PLCB4: variants seen among roughly 807,000 people sequenced by gnomAD.
The protein encoded by PLCB4 is phospholipase C beta 4.
PLCB4 carries 77 observed loss-of-function variants against 178.8 expected under a neutral mutation model. The ratio of observed to expected loss-of-function variants is 0.43; its 90% confidence interval spans 0.36 to 0.52. The LOEUF is 0.52. PLCB4 is among the 20% of genes least tolerant of loss of function. PLCB4 has a pLI of 0.00. For synonymous variants in PLCB4, 496 were observed against 490.8 expected (o/e 1.01, Z -0.14); for missense variants, 1,024 against 1,453.4 (o/e 0.70, Z 4.80).
chr20:9,232,558 C>T (rs2093944689), intron 3 of PLCB4, among the ~76,000 whole-genome samples: 1 of 151,940 alleles, frequency 6.6e-6, no homozygotes, highest in Non-Finnish European at 1.5e-5. Context: ...TAAATTAAAA[C>T]CAAATTTTAG....
At chr20:9,299,831 T>A (rs2094683389) in intron 3 of PLCB4, among the ~76,000 whole-genome samples, 1 of 152,030 alleles carries the variant, frequency 6.6e-6, no homozygotes, top group African/African-American at 2.4e-5. Flanking sequence ...TAAAAGAGTA[T>A]GGATATTTCA....
intron 13 of PLCB4, among the ~76,000 whole-genome samples, chr20:9,381,842 A>G (rs2037168241): frequency 6.6e-6 from 1 of 152,184 alleles, no homozygotes; most frequent in South Asian, 2.1e-4. Context: ...TGTACCCTAG[A>G]GAATCTCTCA....
At chr20:9,102,198 G>A (rs1031669374) in intron 2 of PLCB4, among the ~76,000 whole-genome samples, 1 of 152,124 alleles carries the variant, frequency 6.6e-6, no homozygotes. Context: ...TACAAAGATT[G>A]CGGTAACTGA....
chr20:9,438,272 A>G (rs1247136372), intron 30 of PLCB4, among the ~76,000 whole-genome samples: 1 of 152,002 alleles, frequency 6.6e-6, no homozygotes, highest in Non-Finnish European at 1.5e-5. Context: ...AGGCTGAGGC[A>G]GGAGAATGGC....
chr20:9,434,766 T>G (rs920989691), intron 28 of PLCB4, among the ~76,000 whole-genome samples: 31 of 152,220 alleles, frequency 2.0e-4, no homozygotes, highest in Non-Finnish European at 4.1e-4. Flanking sequence ...ACTGAGAATG[T>G]TATCTTAAGA....
chr20:9,434,652 C>T (rs1275793958), intron 28 of PLCB4, among the ~76,000 whole-genome samples: 3 of 151,922 alleles, frequency 2.0e-5, no homozygotes, highest in East Asian at 1.9e-4. Flanking sequence ...CTGGGATTAC[C>T]GGCGTGAGCT....
In PLCB4 at chr20:9,393,670, T is replaced by C. The variant is rs537756121; in HGVS notation, c.1406T>C (p.Val469Ala). 7.2e-5 allele frequency: 116 copies of C among 1,600,896 alleles called. No homozygotes were observed. In the South Asian group the frequency reaches 1.1e-3, roughly 16 times the overall value. ...AAAAACAAGCGGCTGAAACCTGAAG[T>C]TGAAAAAAGTAAGTGAAACACACAC... ...LIKNKRLKPEVEKKQLEALRS... is the reference protein window; with the variant it reads ...LIKNKRLKPEAEKKQLEALRS... Residue 469 changes from valine to alanine, a missense_variant, in exon 18 of 40, where the codon GTT (valine) becomes GCT (alanine). This residue lies in a region of PLCB4 where 263 missense variants were observed against 417.4 expected (regional missense o/e 0.63). Coordinates refer to ENST00000378473, the MANE Select transcript of PLCB4 (RefSeq NM_001377142.1).
chr20:9,305,582 T>C (rs1204104391), intron 3 of PLCB4, among the ~76,000 whole-genome samples: 1 of 152,150 alleles, frequency 6.6e-6, no homozygotes, highest in African/African-American at 2.4e-5. Flanking sequence ...ATTAAGCCTA[T>C]TGTTTCTTTT....
intron 3 of PLCB4, among the ~76,000 whole-genome samples, chr20:9,293,622 T>TCATTCATTCATTC (rs139529215): frequency 4.6e-5 from 7 of 150,748 alleles, no homozygotes; most frequent in Admixed American, 1.3e-4. Flanking sequence ...CAGAGTAAAA[T>TCATTCATTCATTC]ATTCATTCAT....
At chr20:9,118,188 A>G (rs2091844682) in intron 2 of PLCB4, among the ~76,000 whole-genome samples, 1 of 149,870 alleles carries the variant, frequency 6.7e-6, no homozygotes, top group Non-Finnish European at 1.5e-5. Flanking sequence ...GTCATCTAGC[A>G]TTAGGTATAT....
chr20:9,312,283 G>C (rs146807578), intron 4 of PLCB4, among the ~76,000 whole-genome samples: 102 of 151,372 alleles, frequency 6.7e-4, no homozygotes, highest in African/African-American at 2.4e-3. Context: ...CAGCTGCCTA[G>C]ATGGAGTCCC....
At chr20:9,429,701 C>T (rs2041263238) in intron 28 of PLCB4, among the ~76,000 whole-genome samples, 1 of 152,196 alleles carries the variant, frequency 6.6e-6, no homozygotes. Flanking sequence ...ATATGCAGCA[C>T]TCTTCGTATC....
chr20:9,363,064 C>A, intron 8 of PLCB4, 89 bp downstream of exon 8: 1 of 901,900 alleles, frequency 1.1e-6, no homozygotes, highest in Non-Finnish European at 1.8e-6. Flanking sequence ...TTCCTTCCTC[C>A]AAATTCCTGC....
chr20:9,374,069 G>A (rs1602193470), intron 12 of PLCB4, among the ~76,000 whole-genome samples: 1 of 152,084 alleles, frequency 6.6e-6, no homozygotes, highest in Non-Finnish European at 1.5e-5. Flanking sequence ...AAGATAAAAA[G>A]GCAGACCTTA....
intron 20 of PLCB4, among the ~76,000 whole-genome samples, chr20:9,404,763 C>T (rs917466760): frequency 2.6e-5 from 4 of 152,186 alleles, no homozygotes; most frequent in East Asian, 1.9e-4. Flanking sequence ...CAAGGTTCCA[C>T]GCAATCAGTT....
At chr20:9,192,073 C>G (rs546380543) in intron 2 of PLCB4, among the ~76,000 whole-genome samples, 1 of 152,160 alleles carries the variant, frequency 6.6e-6, no homozygotes, top group South Asian at 2.1e-4. Context: ...AAAGCAGGTT[C>G]CCTATCTCTT....
intron 2 of PLCB4, among the ~76,000 whole-genome samples, chr20:9,132,855 A>G (rs2092303786): frequency 6.6e-6 from 1 of 152,118 alleles, no homozygotes; most frequent in Non-Finnish European, 1.5e-5. Flanking sequence ...GACATTGGAG[A>G]CATTATTGAC....
chr20:9,098,716 C>T (rs1307753323), intron 2 of PLCB4, among the ~76,000 whole-genome samples: 7 of 132,544 alleles, frequency 5.3e-5, no homozygotes, highest in African/African-American at 1.7e-4. Flanking sequence ...TACATATATA[C>T]GTGTGTGTGT....
chr20:9,435,496 G>A, intron 28 of PLCB4, 64 bp from the exon 29 acceptor site: 3 of 960,572 alleles, frequency 3.1e-6, no homozygotes, highest in Non-Finnish European at 3.4e-6. Context: ...ATTAAGCAGA[G>A]TTTTAATGAA....
Sources: allele counts gnomAD v4.1 joint callset (sites outside exome capture counted in the v4.1 genomes callset), GRCh38; gene constraint gnomAD v4.1.1; regional missense constraint gnomAD v4.1.1; transcripts MANE v1.5; gene names NCBI Gene and HGNC (gene_info 2026-07-23, HGNC 2026-07-21).